The following ATP8A2 variants were observed in gnomAD, a reference collection of about 807,000 sequenced individuals.
ATP8A2 encodes phospholipid-transporting ATPase IB.
A neutral mutation model predicts 165.6 loss-of-function variants in ATP8A2; 100 were observed. The observed-to-expected ratio is 0.60, with a 90% CI of 0.51 to 0.71. ATP8A2 has a LOEUF of 0.71. Ranked by LOEUF, ATP8A2 falls within the 30% of genes least tolerant of loss-of-function variation. The probability of loss-of-function intolerance (pLI) is 0.00; values close to 1 mark genes in which losing one functional copy is unlikely to be tolerated. For missense variants in ATP8A2, 1,227 were observed against 1,479.5 expected, an observed-to-expected ratio of 0.83 and a Z score of 2.80; for synonymous variants, 543 against 548.8, an observed-to-expected ratio of 0.99 and a Z score of 0.15.
Position 25,390,017 on chromosome 13 carries a change from C to T in ATP8A2, c.76+17729C>T, listed in dbSNP as rs370647796. Among the ~76,000 whole-genome samples, 6 of 110,860 alleles carry T rather than the reference C, an allele frequency of 5.4e-5. No individual in the cohort carries two copies. The East Asian group carries it at 7.0e-4, about 13-fold the overall frequency. 72.7% of individuals were successfully genotyped at this position (110,860 alleles called of 152,430 possible). A position where few individuals can be genotyped will look rare whatever the true frequency, so the allele number is the denominator to read the frequency against. On this transcript the variant is annotated intron_variant, in intron 1 of 36. Transcript: ENST00000381655. ...TGTTTTGTTTTGTTTTGTTTTGAAA[C>T]GGAGTCTTGCTCTGTCACCCAGGCT...
At chr13:25,774,652 A>T (rs1370028089) in intron 26 of ATP8A2, among the ~76,000 whole-genome samples, 197 bp from the exon 27 acceptor site, 6 of 152,208 alleles carry the variant, frequency 3.9e-5, no homozygotes, top group African/African-American at 1.2e-4. Flanking sequence ...AATAATAATA[A>T]TGTAGTTTCA....
At chr13:25,457,673 C>T (rs554408938) in intron 1 of ATP8A2, among the ~76,000 whole-genome samples, 3 of 152,354 alleles carry the variant, frequency 2.0e-5, no homozygotes, top group South Asian at 2.1e-4. Flanking sequence ...GACAACAAAT[C>T]GACCTGGCAA....
intron 1 of ATP8A2, among the ~76,000 whole-genome samples, chr13:25,427,769 T>C (rs139272814): frequency 0.022 from 3,336 of 152,124 alleles, 125 homozygotes; most frequent in African/African-American, 0.075. Context: ...TGGCAGGTGC[T>C]TGTAGTCCCA....
intron 23 of ATP8A2, among the ~76,000 whole-genome samples, chr13:25,582,366 T>G (rs1173968008): frequency 1.3e-5 from 2 of 152,242 alleles, no homozygotes; most frequent in African/African-American, 4.8e-5. Flanking sequence ...CCTTGCATCT[T>G]TCCCTTCCCA....
chr13:25,828,274 T>C, intron 28 of ATP8A2, 82 bp downstream of exon 28: 1 of 1,145,116 alleles, frequency 8.7e-7, no homozygotes, highest in Non-Finnish European at 1.3e-6. Flanking sequence ...GTCTGGGAAG[T>C]GTATCTGAGT....
At chr13:25,604,897 T>C (rs1312866119) in intron 24 of ATP8A2, among the ~76,000 whole-genome samples, 1 of 152,224 alleles carries the variant, frequency 6.6e-6, no homozygotes, top group African/African-American at 2.4e-5. Context: ...CTAATGGTAC[T>C]CTTGAAAGCC....
At chr13:25,684,267 A>G (rs2042555834) in intron 24 of ATP8A2, among the ~76,000 whole-genome samples, 1 of 152,234 alleles carries the variant, frequency 6.6e-6, no homozygotes, top group Non-Finnish European at 1.5e-5. Flanking sequence ...TTTCAGTCTT[A>G]CTGGAAATAT....
chr13:25,762,268 CAAAAAAAAAAAAAAA>C (rs59081934), intron 25 of ATP8A2, among the ~76,000 whole-genome samples: 1 of 41,310 alleles, frequency 2.4e-5, no homozygotes, highest in Non-Finnish European at 3.8e-5. Context: ...GACTCTGTCT[CAAAAAAAAAAAAAAA>C]AAAAAAAAAA....
chr13:25,411,950 T>G (rs1432973623), intron 1 of ATP8A2, among the ~76,000 whole-genome samples: 1 of 152,234 alleles, frequency 6.6e-6, no homozygotes, highest in African/African-American at 2.4e-5. Flanking sequence ...TAAAACTATC[T>G]AAATAAAAAT....
intron 33 of ATP8A2, among the ~76,000 whole-genome samples, chr13:25,931,932 C>T (rs1250839847): frequency 6.6e-6 from 1 of 151,764 alleles, no homozygotes; most frequent in Admixed American, 6.6e-5. Context: ...CCTGTAATCT[C>T]AGCTACTTGG....
chr13:25,544,222 G>A (rs2038572225), intron 10 of ATP8A2, among the ~76,000 whole-genome samples: 1 of 152,236 alleles, frequency 6.6e-6, no homozygotes, highest in Admixed American at 6.5e-5. Context: ...AATATAGAAT[G>A]ACAAAGTAGA....
chr13:25,946,936 C>T (rs896274085), intron 33 of ATP8A2, among the ~76,000 whole-genome samples: 2 of 152,028 alleles, frequency 1.3e-5, no homozygotes, highest in East Asian at 3.9e-4. Flanking sequence ...TTAGTAGAGA[C>T]GGGGTTTCGC....
chr13:25,673,625 G>T (rs867283221), intron 24 of ATP8A2, among the ~76,000 whole-genome samples: 2 of 152,110 alleles, frequency 1.3e-5, no homozygotes, highest in South Asian at 4.1e-4. Flanking sequence ...TACTAAGCTT[G>T]CTTTTTTCCT....
chr13:25,972,553 G>A (rs370858957), intron 35 of ATP8A2, among the ~76,000 whole-genome samples: 34 of 152,254 alleles, frequency 2.2e-4, no homozygotes, highest in African/African-American at 8.2e-4. Flanking sequence ...TGTGACTGTT[G>A]GGGTTGATCA....
chr13:25,507,218 T>TG (rs1411215653), intron 2 of ATP8A2, among the ~76,000 whole-genome samples: 2 of 129,670 alleles, frequency 1.5e-5, no homozygotes, highest in East Asian at 2.1e-4. Flanking sequence ...GGTACCATTC[T>TG]TTGTGTGTGT....
intron 24 of ATP8A2, among the ~76,000 whole-genome samples, chr13:25,688,187 A>G (rs571494117): frequency 4.6e-5 from 7 of 152,244 alleles, no homozygotes; most frequent in African/African-American, 1.2e-4. Context: ...TCCTGTGCAC[A>G]TTATAGGCCT....
At chr13:26,009,605 G>A (rs1257541210) in intron 35 of ATP8A2, among the ~76,000 whole-genome samples, 4 of 152,164 alleles carry the variant, frequency 2.6e-5, no homozygotes, top group Admixed American at 2.0e-4. Flanking sequence ...GGCCTGGGTG[G>A]TCATTGAGCA....
rs181067378 is a variant in ATP8A2 at position 25,616,929 on chromosome 13, G to A, written c.2211+27230G>A. Among the ~76,000 whole-genome samples, 657 of 152,212 alleles carry A rather than the reference G, an allele frequency of 4.3e-3. 5 individuals carry two copies. Among genetic ancestry groups the A allele is most frequent in the Admixed American group, 6.6e-3 (101 of 15,278 alleles). ...AGCTGCTGCCAGAGCCTCCAGCCAG[G>A]ATCTGGGCTAGAGGGTGGTACATGT... On this transcript the variant is annotated intron_variant, in intron 24 of 36. Transcript: ENST00000381655.
chr13:25,567,323 A>C (rs2138156269), intron 16 of ATP8A2: 1 of 456,528 alleles, frequency 2.2e-6, no homozygotes, highest in African/African-American at 2.0e-5. Flanking sequence ...TCCCCTACCC[A>C]CTGCTTTTTC....
Sources: gnomAD v4.1 joint callset for allele counts (sites outside exome capture counted in the v4.1 genomes callset) on GRCh38, gnomAD v4.1.1 for gene constraint, MANE v1.5 for transcripts, NCBI Gene and HGNC (gene_info 2026-07-23, HGNC 2026-07-21) for gene names.